The following HDAC9 variants were observed in gnomAD, a reference collection of about 807,000 sequenced individuals.
The protein encoded by HDAC9 is histone deacetylase 9, also known as MEF-2 interacting transcription repressor (MITR) protein.
In HDAC9, 41 loss-of-function variants were observed where a neutral mutation model predicts 139.4. The ratio of observed to expected loss-of-function variants is 0.29; its 90% CI spans 0.23 to 0.38. The LOEUF is 0.38. Among genes scored for constraint, HDAC9 ranks in the 10% least tolerant of loss-of-function variants. The pLI, the probability that HDAC9 is intolerant of heterozygous loss-of-function variation, is 1.00. For missense variants in HDAC9, 1,147 were observed against 1,297.0 expected (o/e 0.88, Z 1.78); for synonymous variants, 517 against 476.2 (o/e 1.09, Z -1.12).
At chr7:18,916,067 A>G (rs1803182977) in intron 22 of HDAC9, among the ~76,000 whole-genome samples, 1 of 150,748 alleles carries the variant, frequency 6.6e-6, no homozygotes. Flanking sequence ...CTTAGTCGTT[A>G]GGCCATACCC....
At chr7:18,670,607 C>A (rs1367810579) in intron 12 of HDAC9, among the ~76,000 whole-genome samples, 1 of 152,044 alleles carries the variant, frequency 6.6e-6, no homozygotes, top group African/African-American at 2.4e-5. Flanking sequence ...GATGAGAGCA[C>A]TGCAAAAGAG....
chr7:18,302,652 A>G (rs182546938), intron 1 of HDAC9, among the ~76,000 whole-genome samples: 2 of 152,216 alleles, frequency 1.3e-5, no homozygotes, highest in African/African-American at 4.8e-5. Context: ...CTTTGCCTTC[A>G]TTTGTTTCAG....
intron 12 of HDAC9, among the ~76,000 whole-genome samples, chr7:18,675,586 CTCAATA>C (rs1338766024): frequency 6.6e-6 from 1 of 151,992 alleles, no homozygotes; most frequent in Non-Finnish European, 1.5e-5. Flanking sequence ...TGACCTTACA[CTCAATA>C]TCAATCTTTA....
chr7:18,278,657 T>C (rs1796902609), intron 2 of HDAC9, among the ~76,000 whole-genome samples: 1 of 152,192 alleles, frequency 6.6e-6, no homozygotes. Flanking sequence ...TAAAATTCTA[T>C]ATGATGCAGT....
At chr7:18,256,495 C>T (rs1049543755) in intron 2 of HDAC9, among the ~76,000 whole-genome samples, 3 of 152,158 alleles carry the variant, frequency 2.0e-5, no homozygotes, top group African/African-American at 7.2e-5. Flanking sequence ...GTAAATCATG[C>T]AGCCAATGAA....
chr7:18,334,899 G>T (rs988633501), intron 1 of HDAC9, among the ~76,000 whole-genome samples: 2 of 151,356 alleles, frequency 1.3e-5, no homozygotes, highest in Non-Finnish European at 3.0e-5. Context: ...CATAATGGTA[G>T]GTTAAAAATG....
chr7:18,796,553 C>G (rs1792817503), intron 17 of HDAC9, among the ~76,000 whole-genome samples: 1 of 152,130 alleles, frequency 6.6e-6, no homozygotes, highest in Non-Finnish European at 1.5e-5. Context: ...TTCAGACTTT[C>G]CAAGTTTTTA....
intron 17 of HDAC9, among the ~76,000 whole-genome samples, chr7:18,802,290 T>A (rs1324599733): frequency 3.9e-5 from 6 of 151,944 alleles, no homozygotes; most frequent in African/African-American, 1.4e-4. Context: ...TAAATGTGTA[T>A]TTTTAAATTT....
At chr7:18,231,362 G>A (rs1460306756) in intron 2 of HDAC9, among the ~76,000 whole-genome samples, 2 of 152,078 alleles carry the variant, frequency 1.3e-5, no homozygotes, top group Non-Finnish European at 2.9e-5. Context: ...CCCACTTTAC[G>A]GCGATCAAGC....
intron 6 of HDAC9, among the ~76,000 whole-genome samples, chr7:18,614,263 G>A (rs1377713969): frequency 1.3e-5 from 2 of 151,968 alleles, no homozygotes; most frequent in Non-Finnish European, 2.9e-5. Flanking sequence ...AACTATTTAA[G>A]TGTAACAGAT....
intron 6 of HDAC9, among the ~76,000 whole-genome samples, chr7:18,613,649 A>G (rs1415410250): frequency 6.6e-6 from 1 of 152,088 alleles, no homozygotes; most frequent in Non-Finnish European, 1.5e-5. Flanking sequence ...CATTACCTAT[A>G]TGATTGAGTT....
At chr7:18,833,993 C>G (rs1392539632) in intron 19 of HDAC9, among the ~76,000 whole-genome samples, 2 of 152,166 alleles carry the variant, frequency 1.3e-5, no homozygotes, top group East Asian at 3.9e-4. Context: ...ATGTAAGTTT[C>G]AGTTAACTGT....
intron 1 of HDAC9, among the ~76,000 whole-genome samples, chr7:18,374,741 A>G (rs1260290949): frequency 6.6e-6 from 1 of 152,022 alleles, no homozygotes; most frequent in Non-Finnish European, 1.5e-5. Context: ...TATAAAGTCT[A>G]TATATTTAGA....
chr7:18,585,555 C>G, intron 3 of HDAC9, 33 bp downstream of exon 3: 1 of 1,606,690 alleles, frequency 6.2e-7, no homozygotes, highest in South Asian at 1.1e-5. Flanking sequence ...TGACCTTACT[C>G]AGGAGTCTGC....
chr7:18,336,813 T>G (rs1781620471), intron 1 of HDAC9, among the ~76,000 whole-genome samples: 1 of 151,730 alleles, frequency 6.6e-6, no homozygotes, highest in East Asian at 1.9e-4. Context: ...TGTCATACCA[T>G]GTACTGTCAT....
chr7:18,153,733 G>C (rs1349507322), intron 1 of HDAC9, among the ~76,000 whole-genome samples: 3 of 152,212 alleles, frequency 2.0e-5, no homozygotes, highest in Non-Finnish European at 4.4e-5. Context: ...GCCTCAGATG[G>C]AGGGATAAGG....
At chr7:18,761,016 C>T (rs1338386560) in intron 14 of HDAC9, among the ~76,000 whole-genome samples, 1 of 152,184 alleles carries the variant, frequency 6.6e-6, no homozygotes, top group African/African-American at 2.4e-5. Flanking sequence ...GACAGCATTC[C>T]CTGAACAGAT....
intron 11 of HDAC9, among the ~76,000 whole-genome samples, chr7:18,665,190 G>T (rs1347061639): frequency 6.6e-6 from 1 of 152,116 alleles, no homozygotes; most frequent in Non-Finnish European, 1.5e-5. Flanking sequence ...GTTTATGGTG[G>T]TAGTATTATA....
intron 8 of HDAC9, among the ~76,000 whole-genome samples, chr7:18,639,518 C>T (rs1040198254): frequency 4.6e-5 from 7 of 151,872 alleles, no homozygotes; most frequent in Non-Finnish European, 7.4e-5. Context: ...TATAGTAACA[C>T]CTTCTTTGGT....
Sources: gnomAD v4.1 joint callset for allele counts (sites outside exome capture counted in the v4.1 genomes callset) on GRCh38, gnomAD v4.1.1 for gene constraint, MANE v1.5 for transcripts, NCBI Gene and HGNC (gene_info 2026-07-23, HGNC 2026-07-21) for gene names.